SAMD5: variants seen among roughly 807,000 people sequenced by gnomAD.
SAMD5 encodes the protein sterile alpha motif domain-containing protein 5.
A neutral mutation model predicts 11.3 loss-of-function variants in SAMD5; 13 were observed. The ratio of observed to expected loss-of-function variants is 1.15; its 90% CI spans 0.75 to 1.83. The LOEUF (loss-of-function observed/expected upper bound fraction) is 1.83. Among genes scored for constraint, SAMD5 ranks in the 40% most tolerant of loss-of-function variants. The probability of loss-of-function intolerance (pLI) is 0.00; values close to 1 mark genes in which losing one functional copy is unlikely to be tolerated. For synonymous variants in SAMD5, 129 were observed against 111.3 expected (o/e 1.16, Z -1.00); for missense variants, 255 against 239.1 (o/e 1.07, Z -0.44).
the SAMD5 span, among the ~76,000 whole-genome samples, chr6:147,941,989 T>G: frequency 2.0e-5 from 3 of 152,164 alleles, no homozygotes; most frequent in Admixed American, 2.0e-4. Context: ...TTCTCCTGCC[T>G]CAGCCTCCTG....
At chr6:147,890,519 C>A in the SAMD5 span, among the ~76,000 whole-genome samples, 5 of 151,860 alleles carry the variant, frequency 3.3e-5, no homozygotes, top group African/African-American at 1.2e-4. Flanking sequence ...CCACCACGCC[C>A]CGCTAATTTT....
At chr6:147,717,878 C>A (rs1463568167) in intron 1 of SAMD5, among the ~76,000 whole-genome samples, 1 of 150,840 alleles carries the variant, frequency 6.6e-6, no homozygotes, top group Non-Finnish European at 1.5e-5. Flanking sequence ...CAAAACAAAA[C>A]AAAACAAAAA....
intron 1 of SAMD5, among the ~76,000 whole-genome samples, chr6:147,590,499 G>A (rs562315278): frequency 4.6e-5 from 7 of 152,192 alleles, no homozygotes; most frequent in South Asian, 2.1e-4. Flanking sequence ...TGCAACCTCC[G>A]TCTCCCGGGC....
At chr6:147,755,125 AT>A in the SAMD5 span, among the ~76,000 whole-genome samples, 1 of 152,038 alleles carries the variant, frequency 6.6e-6, no homozygotes, top group Admixed American at 6.6e-5. Flanking sequence ...TAGGGATTAC[AT>A]TGAATCTATA....
chr6:147,716,954 C>G (rs1791477648), intron 1 of SAMD5, among the ~76,000 whole-genome samples: 1 of 152,216 alleles, frequency 6.6e-6, no homozygotes, highest in South Asian at 2.1e-4. Flanking sequence ...CGTTCTTACT[C>G]AGCTCCACCT....
intron 1 of SAMD5, among the ~76,000 whole-genome samples, chr6:147,509,873 T>C (rs9485189): frequency 0.054 from 8,287 of 152,254 alleles, 598 homozygotes; most frequent in East Asian, 0.18. Context: ...GGCCCTGCCT[T>C]TCTCAATTCC....
At chr6:147,751,442 G>A in the SAMD5 span, among the ~76,000 whole-genome samples, 19 of 152,180 alleles carry the variant, frequency 1.2e-4, no homozygotes, top group African/African-American at 4.6e-4. Context: ...ACAGTTCCTG[G>A]TACATAGTAA....
At chr6:147,702,938 A>G (rs9322105) in intron 1 of SAMD5, among the ~76,000 whole-genome samples, 14,110 of 152,190 alleles carry the variant, frequency 0.093, 683 homozygotes, top group Middle Eastern at 0.16. Context: ...CTCTTGGGCC[A>G]AATGTCCAGA....
chr6:147,607,590 G>A (rs1040280961), intron 1 of SAMD5, among the ~76,000 whole-genome samples: 1 of 152,102 alleles, frequency 6.6e-6, no homozygotes, highest in Non-Finnish European at 1.5e-5. Flanking sequence ...ATATCCATAT[G>A]CAGAAGAATG....
chr6:147,681,138 T>C (rs1790935154), intron 1 of SAMD5, among the ~76,000 whole-genome samples: 1 of 152,210 alleles, frequency 6.6e-6, no homozygotes. Context: ...TTATTTATTT[T>C]TGTAGGAAAG....
intron 1 of SAMD5, among the ~76,000 whole-genome samples, chr6:147,518,039 A>T (rs532364): frequency 2.0e-5 from 3 of 151,934 alleles, no homozygotes; most frequent in African/African-American, 7.3e-5. Flanking sequence ...TCAATTCCCC[A>T]TGTATTTGCA....
intron 1 of SAMD5, among the ~76,000 whole-genome samples, chr6:147,712,933 A>G (rs995565838): frequency 1.3e-5 from 2 of 152,194 alleles, no homozygotes; most frequent in Admixed American, 1.3e-4. Flanking sequence ...AGTGATTATG[A>G]TCCATTTTTA....
At chr6:147,806,959 C>T in the SAMD5 span, among the ~76,000 whole-genome samples, 1 of 152,130 alleles carries the variant, frequency 6.6e-6, no homozygotes, top group East Asian at 1.9e-4. Flanking sequence ...AGAAGGTGGC[C>T]ATCTGCAGGG....
At chr6:147,740,614 T>C (rs1018362069), downstream of SAMD5, among the ~76,000 whole-genome samples, 108 of 152,312 alleles carry the variant, frequency 7.1e-4, no homozygotes, top group African/African-American at 2.5e-3. Context: ...GCCATACTAT[T>C]CCTTCACCTT....
chr6:147,860,926 G>A, the SAMD5 span, among the ~76,000 whole-genome samples: 8 of 152,158 alleles, frequency 5.3e-5, no homozygotes, highest in Non-Finnish European at 8.8e-5. Flanking sequence ...CAATAATGAA[G>A]AGATAACAGG....
chr6:147,565,122 C>T lies in SAMD5; in HGVS notation c.*666C>T. 1.0e-6 allele frequency: 1 copy of T among 984,916 alleles called. No homozygotes were observed. Among genetic ancestry groups the T allele is most frequent in the Non-Finnish European group, 1.2e-6 (1 of 829,358 alleles). The allele number at this position is 984,916 out of a possible 1,614,324, so 61.0% of individuals were successfully genotyped here. ...ACTTCTCTTTTTAAATTTAATCTGG[C>T]TGAGGTTTAGTATTAGGACTAATAC... On this transcript the variant is annotated 3_prime_UTR_variant, in exon 2 of 2. Transcript: ENST00000367474.
intron 1 of SAMD5, among the ~76,000 whole-genome samples, chr6:147,532,148 A>G (rs758718330): frequency 2.0e-5 from 3 of 152,068 alleles, no homozygotes; most frequent in Non-Finnish European, 4.4e-5. Context: ...ATTAATTTTT[A>G]TTTCAGTTTT....
chr6:147,927,052 T>C, the SAMD5 span, among the ~76,000 whole-genome samples: 1 of 152,208 alleles, frequency 6.6e-6, no homozygotes, highest in East Asian at 1.9e-4. Flanking sequence ...TACCAAGCTG[T>C]TTTGGTTACT....
the SAMD5 span, among the ~76,000 whole-genome samples, chr6:147,792,707 G>T: frequency 6.6e-6 from 1 of 152,118 alleles, no homozygotes; most frequent in South Asian, 2.1e-4. Flanking sequence ...TGAGCCTGTA[G>T]CATTTTGTAG....
Sources: gnomAD v4.1 joint callset for allele counts (sites outside exome capture counted in the v4.1 genomes callset) on GRCh38, gnomAD v4.1.1 for gene constraint, MANE v1.5 for transcripts, NCBI Gene and HGNC (gene_info 2026-07-23, HGNC 2026-07-21) for gene names.